IL23R: variants seen among roughly 807,000 people sequenced by gnomAD.
IL23R encodes the protein interleukin 23 receptor.
IL23R carries 34 observed loss-of-function variants against 56.9 expected under a neutral mutation model. The ratio of observed to expected loss-of-function variants is 0.60; its 90% confidence interval spans 0.45 to 0.80. The LOEUF (loss-of-function observed/expected upper bound fraction) is 0.80. Ranked by LOEUF, IL23R falls within the 30% of genes least tolerant of loss-of-function variation. The pLI is 0.00. For synonymous variants in IL23R, 230 were observed against 249.2 expected (o/e 0.92, Z 0.73); for missense variants, 635 against 730.0 (o/e 0.87, Z 1.50).
At chr1:67,161,149 A>T (rs963638443) in intron 1 of IL23R, among the ~76,000 whole-genome samples, 4 of 152,166 alleles carry the variant, frequency 2.6e-5, no homozygotes, top group African/African-American at 9.7e-5. Flanking sequence ...AACAAGCGGG[A>T]AGGGGAAGTT....
At chr1:67,219,875 G>A (rs1650128279) in intron 7 of IL23R, 145 bp downstream of exon 7, 1 of 752,652 alleles carries the variant, frequency 1.3e-6, no homozygotes, top group Non-Finnish European at 2.3e-6. Context: ...AGACTGGCCT[G>A]GGCAACATAG....
intron 9 of IL23R, among the ~76,000 whole-genome samples, chr1:67,247,271 T>A (rs1240266898): frequency 1.3e-5 from 2 of 152,014 alleles, no homozygotes; most frequent in Non-Finnish European, 2.9e-5. Context: ...AATTTGCCAG[T>A]CTGTGTCTTT....
chr1:67,153,100 C>T (rs1041505651), intron 1 of IL23R, among the ~76,000 whole-genome samples: 3 of 152,074 alleles, frequency 2.0e-5, no homozygotes, highest in Non-Finnish European at 4.4e-5. Flanking sequence ...GGTTGGTAGC[C>T]TATTAGTTAC....
At chr1:67,166,681 A>G (rs1646877214) in intron 1 of IL23R, 140 bp downstream of exon 1, 1 of 152,366 alleles carries the variant, frequency 6.6e-6, no homozygotes, top group African/African-American at 2.4e-5. Flanking sequence ...CTATAATATT[A>G]TATGGCATCA....
chr1:67,182,648 C>A (rs1260809153), intron 3 of IL23R, among the ~76,000 whole-genome samples, 188 bp from the exon 4 acceptor site: 1 of 152,152 alleles, frequency 6.6e-6, no homozygotes, highest in Non-Finnish European at 1.5e-5. Context: ...CTGTCCCGCA[C>A]CCACTGTCTG....
At chr1:67,173,963 C>A (rs1403946159) in intron 3 of IL23R, among the ~76,000 whole-genome samples, 12 of 152,150 alleles carry the variant, frequency 7.9e-5, no homozygotes, top group Admixed American at 7.2e-4. Context: ...ACTACATATA[C>A]TTTTAATTCC....
chr1:67,151,336 A>G (rs1169739860), intron 1 of IL23R, among the ~76,000 whole-genome samples: 1 of 152,142 alleles, frequency 6.6e-6, no homozygotes, highest in Non-Finnish European at 1.5e-5. Flanking sequence ...TTCCTTGTAG[A>G]TTCTGGATAT....
At chr1:67,186,542 G>C (rs758662012) in intron 4 of IL23R, among the ~76,000 whole-genome samples, 4 of 152,044 alleles carry the variant, frequency 2.6e-5, no homozygotes, top group Non-Finnish European at 5.9e-5. Flanking sequence ...TTCCGTTTCT[G>C]TTGATTTGCC....
chr1:67,167,563 C>T (rs964277252), intron 1 of IL23R, among the ~76,000 whole-genome samples: 3 of 152,042 alleles, frequency 2.0e-5, no homozygotes, highest in Non-Finnish European at 4.4e-5. Flanking sequence ...AATTCATCAC[C>T]AGAAGTTAGC....
chr1:67,262,239 A>C (rs1653221108), downstream of IL23R, among the ~76,000 whole-genome samples: 1 of 152,222 alleles, frequency 6.6e-6, no homozygotes. Context: ...CTTGGGGCTT[A>C]TATCCTAGGG....
At chr1:67,247,352 T>A (rs527674126) in intron 9 of IL23R, among the ~76,000 whole-genome samples, 3 of 152,052 alleles carry the variant, frequency 2.0e-5, no homozygotes, top group Admixed American at 6.5e-5. Context: ...TTGCCCAGAC[T>A]GGAGTGCAAT....
chr1:67,212,543 C>CTTTTTT lies in IL23R; in HGVS notation c.798+5497_798+5502dup, dbSNP rs71663275. On this transcript the variant is annotated intron_variant, in intron 6 of 10. Coordinates refer to ENST00000347310, the MANE Select transcript of IL23R (RefSeq NM_144701.3). ...CTCTGCTACTTTCTAGTCATGCAAT[C>CTTTTTT]TTTTTTTTTTTTTTCCTTTTGAGAC... Among the ~76,000 whole-genome samples the CTTTTTT allele has an allele frequency of 4.3e-3, 619 of 145,090 alleles. 4 individuals carry two copies. Among genetic ancestry groups the CTTTTTT allele is most frequent in the African/African-American group, 0.015 (583 of 39,638 alleles).
At chr1:67,224,542 C>T (rs1030848860) in intron 7 of IL23R, among the ~76,000 whole-genome samples, 1 of 152,218 alleles carries the variant, frequency 6.6e-6, no homozygotes, top group Non-Finnish European at 1.5e-5. Context: ...ATGGCTTGTC[C>T]TGCAGCCTCG....
At chr1:67,154,647 A>G (rs1407759998) in intron 1 of IL23R, among the ~76,000 whole-genome samples, 1 of 152,068 alleles carries the variant, frequency 6.6e-6, no homozygotes, top group Admixed American at 6.5e-5. Flanking sequence ...TGCTTGGTAA[A>G]TAATCCTCCA....
chr1:67,143,402 G>A (rs1486073156), intron 1 of IL23R, among the ~76,000 whole-genome samples: 1 of 152,146 alleles, frequency 6.6e-6, no homozygotes, highest in African/African-American at 2.4e-5. Context: ...TTATCTGGGA[G>A]GTGATCCCAG....
chr1:67,148,235 C>T (rs1311347208), intron 1 of IL23R, among the ~76,000 whole-genome samples: 2 of 152,256 alleles, frequency 1.3e-5, no homozygotes, highest in Non-Finnish European at 2.9e-5. Context: ...CAACGGCAAT[C>T]AGCAGTAGTG....
intron 7 of IL23R, among the ~76,000 whole-genome samples, chr1:67,226,468 C>T (rs898536863): frequency 2.0e-5 from 3 of 152,170 alleles, no homozygotes; most frequent in African/African-American, 7.2e-5. Context: ...CCTCTCTGAT[C>T]GTCCCCAGGG....
intron 6 of IL23R, among the ~76,000 whole-genome samples, chr1:67,216,819 G>C (rs1191926001): frequency 6.6e-6 from 1 of 152,150 alleles, no homozygotes; most frequent in Non-Finnish European, 1.5e-5. Flanking sequence ...CTTGGCTTCG[G>C]CATTTCCAAG....
intron 5 of IL23R, among the ~76,000 whole-genome samples, chr1:67,203,773 G>T (rs1242507326): frequency 6.6e-6 from 1 of 152,180 alleles, no homozygotes; most frequent in Non-Finnish European, 1.5e-5. Context: ...GCAGCTACGG[G>T]CTGGGCTTTA....
Sources: allele counts gnomAD v4.1 joint callset (sites outside exome capture counted in the v4.1 genomes callset), GRCh38; gene constraint gnomAD v4.1.1; transcripts MANE v1.5; gene names NCBI Gene and HGNC (gene_info 2026-07-23, HGNC 2026-07-21).